Variants in PRKG1 observed in about 807,000 individuals in gnomAD.
PRKG1 encodes the protein protein kinase cGMP-dependent 1, also known as cGMP-dependent protein kinase 1.
PRKG1 carries 35 observed loss-of-function variants against 88.1 expected under a neutral mutation model. The observed-to-expected ratio is 0.40, with a 90% CI of 0.30 to 0.53. The LOEUF is 0.53. Among genes scored for constraint, PRKG1 ranks in the 20% least tolerant of loss-of-function variants. The pLI is 0.59. For synonymous variants in PRKG1, 303 were observed against 292.5 expected (o/e 1.04, Z -0.37); for missense variants, 540 against 839.8 (o/e 0.64, Z 4.41).
chr10:52,238,905 A>G (rs1352096648), intron 9 of PRKG1, among the ~76,000 whole-genome samples: 1 of 144,658 alleles, frequency 6.9e-6, no homozygotes, highest in Non-Finnish European at 1.5e-5. Context: ...ACAATAGCAA[A>G]GACTTGGAAC....
intron 3 of PRKG1, among the ~76,000 whole-genome samples, chr10:51,623,002 G>T (rs1222647088): frequency 6.6e-6 from 1 of 152,148 alleles, no homozygotes; most frequent in Non-Finnish European, 1.5e-5. Context: ...ATTTCTCTCA[G>T]TTAAAAATAC....
chr10:51,385,838 G>T (rs1164837880), intron 2 of PRKG1, among the ~76,000 whole-genome samples: 3 of 151,998 alleles, frequency 2.0e-5, no homozygotes, highest in Non-Finnish European at 4.4e-5. Flanking sequence ...GAAGCCACAG[G>T]GATTATCTCC....
intron 5 of PRKG1, among the ~76,000 whole-genome samples, chr10:52,040,082 C>G (rs1021392337): frequency 2.0e-5 from 3 of 152,174 alleles, no homozygotes; most frequent in Non-Finnish European, 4.4e-5. Flanking sequence ...TGACCTCAAG[C>G]ACTCAAGATG....
At chr10:52,251,032 C>A (rs935106762) in intron 9 of PRKG1, among the ~76,000 whole-genome samples, 3 of 152,114 alleles carry the variant, frequency 2.0e-5, no homozygotes, top group African/African-American at 7.2e-5. Flanking sequence ...TACATCAGTT[C>A]TCAGCTTCTC....
intron 9 of PRKG1, among the ~76,000 whole-genome samples, chr10:52,178,757 C>T (rs1436351444): frequency 6.6e-6 from 1 of 151,956 alleles, no homozygotes; most frequent in Non-Finnish European, 1.5e-5. Context: ...CCTTCTTTGT[C>T]TCTGTTTGGA....
At chr10:51,864,005 C>T (rs927622853) in intron 4 of PRKG1, among the ~76,000 whole-genome samples, 1 of 152,196 alleles carries the variant, frequency 6.6e-6, no homozygotes, top group African/African-American at 2.4e-5. Flanking sequence ...TCCAACTGGT[C>T]CTGGATGCAA....
chr10:51,522,405 G>T (rs1032677444), intron 3 of PRKG1, among the ~76,000 whole-genome samples: 81 of 152,282 alleles, frequency 5.3e-4, no homozygotes, highest in African/African-American at 1.9e-3. Flanking sequence ...TGAAGACGTT[G>T]CTTGGTAATG....
At chr10:51,454,915 C>A (rs1046955190) in intron 2 of PRKG1, among the ~76,000 whole-genome samples, 1 of 152,190 alleles carries the variant, frequency 6.6e-6, no homozygotes, top group Admixed American at 6.5e-5. Context: ...CCTCACATTT[C>A]AAAACCAGTC....
At position 51,692,421 on chromosome 10, in the gene PRKG1, A is replaced by G. The variant is rs139180491; in HGVS notation, c.593-112164A>G. Among the ~76,000 whole-genome samples the G allele has an allele frequency of 4.7e-3, 715 of 151,888 alleles. 4 individuals carry two copies. Among genetic ancestry groups the G allele is most frequent in the Non-Finnish European group, 8.5e-3 (575 of 67,952 alleles). On this transcript the variant is annotated intron_variant, in intron 3 of 17. Transcript: ENST00000373980. The stretch of plus-strand genomic sequence containing the variant: ...CCACGCCCCTGGCTAATTTTTTTGT[A>G]TTTTTAGTAGAGACGGATTTTCACC...
At chr10:51,580,965 G>A (rs1187998285) in intron 3 of PRKG1, among the ~76,000 whole-genome samples, 2 of 151,920 alleles carry the variant, frequency 1.3e-5, no homozygotes, top group African/African-American at 4.8e-5. Context: ...TCAGCAGGTC[G>A]AGAAATAATA....
intron 9 of PRKG1, among the ~76,000 whole-genome samples, chr10:52,247,792 C>T (rs1428897755): frequency 6.6e-6 from 1 of 152,100 alleles, no homozygotes; most frequent in East Asian, 1.9e-4. Context: ...AAATAATCTG[C>T]CGAGACCAGC....
chr10:52,286,632 A>G (rs192822684), intron 14 of PRKG1, among the ~76,000 whole-genome samples: 4 of 152,046 alleles, frequency 2.6e-5, no homozygotes, highest in African/African-American at 9.7e-5. Context: ...AGGTATAACT[A>G]TAGGTATACT....
At chr10:51,094,355 G>T (rs945749222) in intron 1 of PRKG1, among the ~76,000 whole-genome samples, 1 of 151,852 alleles carries the variant, frequency 6.6e-6, no homozygotes, top group Non-Finnish European at 1.5e-5. Flanking sequence ...GAAACAAAAT[G>T]GAATATATCA....
chr10:51,218,057 T>G (rs1451918126), intron 2 of PRKG1, among the ~76,000 whole-genome samples: 1 of 152,156 alleles, frequency 6.6e-6, no homozygotes, highest in Non-Finnish European at 1.5e-5. Flanking sequence ...TACTTTGTAA[T>G]GTAAATGAAC....
At position 51,804,802 on chromosome 10, in the gene PRKG1, T is replaced by G. The variant is rs1839263222; in HGVS notation, c.698+112T>G. 5 of 699,984 alleles carry G rather than the reference T, an allele frequency of 7.1e-6. No homozygotes were observed. The South Asian group carries it at 8.4e-5, about 12-fold the overall frequency. The allele number at this position is 699,984 out of a possible 1,614,324, so 43.4% of individuals were successfully genotyped here. A position where few individuals can be genotyped will look rare whatever the true frequency, so the allele number is the denominator to read the frequency against. ...CTTTTTGCCTTTCTCTCAGTCATAA[T>G]AGTCTACAAATGTGTAGAGATGTAA... On this transcript the variant is annotated intron_variant, in intron 4 of 17. Coordinates refer to ENST00000373980, the MANE Select transcript of PRKG1 (RefSeq NM_006258.4).
intron 2 of PRKG1, among the ~76,000 whole-genome samples, chr10:51,396,062 G>T (rs894927649): frequency 6.6e-6 from 1 of 152,104 alleles, no homozygotes; most frequent in African/African-American, 2.4e-5. Context: ...AAAAATAAAG[G>T]TATTTGATAA....
chr10:52,116,869 G>T (rs1396155527), intron 7 of PRKG1, among the ~76,000 whole-genome samples: 2 of 151,748 alleles, frequency 1.3e-5, no homozygotes, highest in Non-Finnish European at 2.9e-5. Context: ...GATAGGCAGA[G>T]AACTTAGGTA....
intron 3 of PRKG1, among the ~76,000 whole-genome samples, chr10:51,579,999 A>G (rs1837991012): frequency 6.6e-6 from 1 of 151,888 alleles, no homozygotes; most frequent in Non-Finnish European, 1.5e-5. Context: ...TTCTCTCTCT[A>G]CCTCTCTGGA....
At chr10:51,154,007 A>G (rs1846143325) in intron 2 of PRKG1, among the ~76,000 whole-genome samples, 2 of 152,038 alleles carry the variant, frequency 1.3e-5, no homozygotes, top group Non-Finnish European at 2.9e-5. Context: ...AAGTAGCTTG[A>G]GATAATGACT....
Sources: gnomAD v4.1 joint callset for allele counts (sites outside exome capture counted in the v4.1 genomes callset) on GRCh38, gnomAD v4.1.1 for gene constraint, MANE v1.5 for transcripts, NCBI Gene and HGNC (gene_info 2026-07-23, HGNC 2026-07-21) for gene names.